Variants in TK2 observed in about 807,000 individuals in gnomAD.
TK2 encodes thymidine kinase 2, mitochondrial.
A neutral mutation model predicts 41.9 loss-of-function variants in TK2; 35 were observed. The ratio of observed to expected loss-of-function variants is 0.84; its 90% CI spans 0.64 to 1.11. The LOEUF (loss-of-function observed/expected upper bound fraction) is 1.11. Among genes scored for constraint, TK2 ranks in the 50% least tolerant of loss-of-function variants. TK2 has a pLI of 0.00. For missense variants in TK2, 320 were observed against 351.1 expected (o/e 0.91, Z 0.71); for synonymous variants, 128 against 129.1 (o/e 0.99, Z 0.06).
At chr16:66,534,681 T>A (rs1965222435) in intron 4 of TK2, among the ~76,000 whole-genome samples, 1 of 152,216 alleles carries the variant, frequency 6.6e-6, no homozygotes, top group African/African-American at 2.4e-5. Flanking sequence ...ACCCTCATGT[T>A]TAAGCACCTT....
In TK2 at chr16:66,550,073, C is replaced by T. The variant is rs1398613161; in HGVS notation, c.-12G>A. On this transcript the variant is annotated 5_prime_UTR_variant, in exon 1 of 10. Transcript: ENST00000544898. ...GGCCACAGCAGCATAGCCGGGCGAG[C>T]GGATCCAGAGGCCCGGGGTTCCTTC... 5.0e-6 allele frequency: 8 copies of T among 1,593,424 alleles called. No homozygotes were observed. The highest frequency in any genetic ancestry group is 6.8e-6 in the Non-Finnish European group (8 of 1,171,550).
At chr16:66,548,767 C>G in intron 2 of TK2, 1 of 581,296 alleles carries the variant, frequency 1.7e-6, no homozygotes, top group East Asian at 2.9e-5. Context: ...TACTTGTGTG[C>G]TCCTATCTGT....
chr16:66,529,909 C>G (rs1965056262), intron 5 of TK2, among the ~76,000 whole-genome samples: 1 of 152,224 alleles, frequency 6.6e-6, no homozygotes. Flanking sequence ...TCCCTCTGGT[C>G]TCCTTCTGCT....
intron 9 of TK2, among the ~76,000 whole-genome samples, chr16:66,513,468 C>T (rs1196347021): frequency 6.6e-6 from 1 of 152,172 alleles, no homozygotes; most frequent in Non-Finnish European, 1.5e-5. Flanking sequence ...CTAGAGTCTT[C>T]GCTGAAGATG....
intron 2 of TK2, among the ~76,000 whole-genome samples, chr16:66,542,588 G>A (rs1462680993): frequency 1.3e-5 from 2 of 152,132 alleles, no homozygotes; most frequent in Non-Finnish European, 2.9e-5. Flanking sequence ...AATAAAGCAA[G>A]GACAGCTTGA....
rs1462951374 is a variant in TK2 at position 66,541,987 on chromosome 16, C to T, written c.157-34G>A. The T allele has an allele frequency of 3.7e-6, 6 of 1,608,078 alleles. No homozygotes were observed. In the Admixed American group the frequency reaches 1.0e-4, roughly 27 times the overall value. ...AGACGAATGCATATTAGAGCCAGAA[C>T]TCAAGCACCCAGGGGAATGTCAGGG... On this transcript the variant is annotated intron_variant, in intron 2 of 9. Transcript: ENST00000544898.
At position 66,526,947 on chromosome 16, in the gene TK2, G is replaced by A. The variant is rs758964092; in HGVS notation, c.449+2047C>T. 5.9e-5 allele frequency among the ~76,000 whole-genome samples: 9 copies of A among 152,184 alleles called. No homozygotes were observed. The South Asian group carries it at 6.2e-4, about 11-fold the overall frequency. On this transcript the variant is annotated intron_variant, in intron 6 of 9. Transcript: ENST00000544898. Reference sequence around the variant, plus strand: ...GTTGCCCAGGCTGGAGTGCAGTGGCGCAATCTCGGCTCATTGCAACCTCCG... The same window carrying A: ...GTTGCCCAGGCTGGAGTGCAGTGGCACAATCTCGGCTCATTGCAACCTCCG...
chr16:66,526,149 T>C (rs1384360427), intron 6 of TK2, among the ~76,000 whole-genome samples: 1 of 152,084 alleles, frequency 6.6e-6, no homozygotes, highest in Admixed American at 6.5e-5. Flanking sequence ...TACCTAGCGC[T>C]GGGTGGCCTA....
At chr16:66,518,260 C>T in intron 6 of TK2, 1 of 303,406 alleles carries the variant, frequency 3.3e-6, no homozygotes, top group Non-Finnish European at 6.5e-6. Context: ...AGGGTGGTGG[C>T]TTATGCCTGT....
At chr16:66,550,197 G>A (rs747391411), upstream of TK2, 2 of 1,612,010 alleles carry the variant, frequency 1.2e-6, no homozygotes, top group Middle Eastern at 1.7e-4. Context: ...TTTCATCTCA[G>A]CAAGAGGAGA....
chr16:66,520,722 C>G (rs1489833412), intron 6 of TK2, among the ~76,000 whole-genome samples: 2 of 152,124 alleles, frequency 1.3e-5, no homozygotes, highest in African/African-American at 4.8e-5. Flanking sequence ...GCCAGAGGCA[C>G]CAAATAAGCC....
chr16:66,534,257 C>T (rs567387705), intron 4 of TK2, among the ~76,000 whole-genome samples: 2 of 152,228 alleles, frequency 1.3e-5, no homozygotes, highest in Non-Finnish European at 2.9e-5. Context: ...GACTTCTCAG[C>T]TGCCCTAACT....
chr16:66,521,726 C>T (rs574132430), intron 6 of TK2, among the ~76,000 whole-genome samples: 10 of 152,304 alleles, frequency 6.6e-5, no homozygotes, highest in African/African-American at 1.7e-4. Context: ...CCCACACCAC[C>T]GACAAGACAA....
chr16:66,512,739 C>T (rs1369394612), intron 9 of TK2, among the ~76,000 whole-genome samples: 1 of 152,164 alleles, frequency 6.6e-6, no homozygotes, highest in Admixed American at 6.5e-5. Flanking sequence ...GCCGAGATTG[C>T]GTCACTGCAT....
At chr16:66,540,121 T>C (rs1450628857) in intron 3 of TK2, among the ~76,000 whole-genome samples, 2 of 152,126 alleles carry the variant, frequency 1.3e-5, no homozygotes, top group African/African-American at 4.8e-5. Context: ...TATATAATGT[T>C]TATTATTATT....
chr16:66,549,531 G>A lies in TK2; in HGVS notation c.124+407C>T, dbSNP rs1965716625. On this transcript the variant is annotated intron_variant, in intron 1 of 9. Transcript: ENST00000544898. ...TGTGTGGGTCCCCACTCCCAGGGAG[G>A]GCAGGAGAGCGCCGGGGGCGTAACC... 3.8e-6 allele frequency: 4 copies of A among 1,044,154 alleles called. No homozygotes were observed. The African/African-American group carries it at 6.8e-5, about 18-fold the overall frequency. The allele number at this position is 1,044,154 out of a possible 1,614,324, so 64.7% of individuals were successfully genotyped here.
intron 3 of TK2, 122 bp downstream of exon 3, chr16:66,541,757 C>A: frequency 6.4e-6 from 6 of 943,068 alleles, no homozygotes; most frequent in African/African-American, 1.6e-5. Flanking sequence ...TGTTAAATTA[C>A]ACCTGTGGCT....
intron 5 of TK2, 55 bp from the exon 6 acceptor site, chr16:66,529,122 A>C (rs1965029284): frequency 1.3e-6 from 2 of 1,551,058 alleles, no homozygotes; most frequent in East Asian, 4.5e-5. Context: ...GACAGCCAGG[A>C]GGCCTTGAGA....
Position 66,517,991 on chromosome 16 carries a change from G to T in TK2, c.450-114C>A. 1.2e-6 allele frequency: 1 copy of T among 858,598 alleles called. No individual in the cohort carries two copies. 53.2% of individuals were successfully genotyped at this position (858,598 alleles called of 1,614,324 possible). A position where few individuals can be genotyped will look rare whatever the true frequency, so the allele number is the denominator to read the frequency against. ...ATGAAAGGAGTCACCAAGGGTACCAGGGCACAGTGTGATCCGTGCAATACT... is the reference window on the plus strand; with the variant it reads ...ATGAAAGGAGTCACCAAGGGTACCATGGCACAGTGTGATCCGTGCAATACT... On this transcript the variant is annotated intron_variant, in intron 6 of 9. Transcript: ENST00000544898. This position sits in a 1 kb window ranked among gnomAD's most constrained non-coding sequence, Gnocchi z 4.3.
Sources: gnomAD v4.1 joint callset for allele counts (sites outside exome capture counted in the v4.1 genomes callset) on GRCh38, gnomAD v4.1.1 for gene constraint, Gnocchi (gnomAD v3.1) non-coding constraint, MANE v1.5 for transcripts, NCBI Gene and HGNC (gene_info 2026-07-23, HGNC 2026-07-21) for gene names.